The following POPDC1 variants were observed in gnomAD, a reference collection of about 807,000 sequenced individuals.
The protein encoded by POPDC1 is popeye domain-containing protein 1.
chr6:105,120,128 G>C, the POPDC1 span, among the ~76,000 whole-genome samples: 2 of 16,092 alleles, frequency 1.2e-4, 1 homozygote, highest in Non-Finnish European at 4.2e-4. Flanking sequence ...GCGTAGTGGC[G>C]GGCGCCTGTA....
At chr6:105,127,356 T>C in the POPDC1 span, among the ~76,000 whole-genome samples, 1 of 152,168 alleles carries the variant, frequency 6.6e-6, no homozygotes, top group Non-Finnish European at 1.5e-5. Context: ...GAAAATGCAA[T>C]CATTATCTAC....
chr6:105,124,609 A>G, the POPDC1 span: 11 of 1,612,946 alleles, frequency 6.8e-6, no homozygotes, highest in Non-Finnish European at 9.3e-6. Flanking sequence ...ATAAAGGCAC[A>G]GGGGTAAATG....
At chr6:105,130,866 C>A in the POPDC1 span, among the ~76,000 whole-genome samples, 2 of 152,236 alleles carry the variant, frequency 1.3e-5, no homozygotes, top group East Asian at 3.9e-4. Flanking sequence ...TGTGAAAACT[C>A]CTAATTTGAT....
the POPDC1 span, among the ~76,000 whole-genome samples, chr6:105,101,399 A>G: frequency 6.6e-6 from 1 of 152,210 alleles, no homozygotes; most frequent in African/African-American, 2.4e-5. Flanking sequence ...AACCAAGTCA[A>G]GAAGAGACTC....
At chr6:105,099,350 T>G in the POPDC1 span, 2 of 152,208 alleles carry the variant, frequency 1.3e-5, no homozygotes, top group African/African-American at 2.4e-5. Context: ...TATTTATATG[T>G]CTCCTCTAAC....
chr6:105,117,923 G>A, the POPDC1 span, among the ~76,000 whole-genome samples: 1 of 152,144 alleles, frequency 6.6e-6, no homozygotes, highest in Admixed American at 6.5e-5. Context: ...GCATGTGCCT[G>A]TAGTCCCAGC....
the POPDC1 span, chr6:105,101,197 G>C: frequency 6.2e-7 from 1 of 1,611,582 alleles, no homozygotes; most frequent in Non-Finnish European, 8.5e-7. Flanking sequence ...AGGCTCGCTG[G>C]TGTGGGGATG....
the POPDC1 span, among the ~76,000 whole-genome samples, chr6:105,111,125 C>G: frequency 1.3e-5 from 2 of 152,190 alleles, no homozygotes; most frequent in South Asian, 4.2e-4. Context: ...TTTAAACTAA[C>G]AAGCTTTTTC....
At chr6:105,102,783 G>A in the POPDC1 span, among the ~76,000 whole-genome samples, 13 of 152,234 alleles carry the variant, frequency 8.5e-5, 1 homozygote, top group African/African-American at 2.9e-4. Context: ...AGTCACTGCC[G>A]TACATCTGGG....
At chr6:105,125,462 T>C in the POPDC1 span, 1 of 1,614,234 alleles carries the variant, frequency 6.2e-7, no homozygotes, top group Non-Finnish European at 8.5e-7. Context: ...TTTGGCCCTT[T>C]TTCAAGGTTT....
At chr6:105,110,317 G>T in the POPDC1 span, among the ~76,000 whole-genome samples, 1 of 152,310 alleles carries the variant, frequency 6.6e-6, no homozygotes, top group African/African-American at 2.4e-5. Flanking sequence ...TAAAATGAGG[G>T]TATTGCTTTC....
At chr6:105,107,173 T>A in the POPDC1 span, among the ~76,000 whole-genome samples, 2 of 152,146 alleles carry the variant, frequency 1.3e-5, no homozygotes, top group Non-Finnish European at 2.9e-5. Flanking sequence ...TCAGTTCTTT[T>A]AGTTTTTAAC....
the POPDC1 span, among the ~76,000 whole-genome samples, chr6:105,119,286 C>A: frequency 1.3e-5 from 2 of 151,618 alleles, no homozygotes; most frequent in Non-Finnish European, 2.9e-5. Context: ...ACACCCAATA[C>A]TCATCAATAC....
At chr6:105,129,892 T>C in the POPDC1 span, among the ~76,000 whole-genome samples, 1 of 152,192 alleles carries the variant, frequency 6.6e-6, no homozygotes, top group Non-Finnish European at 1.5e-5. Flanking sequence ...ATTGGACTGT[T>C]GTTGACCACA....
chr6:105,115,787 T>C, the POPDC1 span: 1 of 1,614,126 alleles, frequency 6.2e-7, no homozygotes, highest in Non-Finnish European at 8.5e-7. Flanking sequence ...CATGGAGATC[T>C]GTGTGCAGAG....
chr6:105,106,291 T>C, the POPDC1 span, among the ~76,000 whole-genome samples: 1 of 152,274 alleles, frequency 6.6e-6, no homozygotes, highest in South Asian at 2.1e-4. Flanking sequence ...ACAAAGGACT[T>C]CCATAAGGAC....
the POPDC1 span, among the ~76,000 whole-genome samples, chr6:105,128,407 T>C: frequency 6.6e-6 from 1 of 152,216 alleles, no homozygotes; most frequent in African/African-American, 2.4e-5. Flanking sequence ...AAATAGAACC[T>C]GCTGCTTCAG....
the POPDC1 span, among the ~76,000 whole-genome samples, chr6:105,118,086 C>G: frequency 6.6e-6 from 1 of 152,126 alleles, no homozygotes; most frequent in African/African-American, 2.4e-5. Context: ...AAAAACAAAA[C>G]AAATGAACAC....
At chr6:105,107,840 C>CT in the POPDC1 span, among the ~76,000 whole-genome samples, 1 of 151,674 alleles carries the variant, frequency 6.6e-6, no homozygotes. Flanking sequence ...CTTTTCCTGT[C>CT]TTTGCTTATT....
Sources: gnomAD v4.1 joint callset for allele counts (sites outside exome capture counted in the v4.1 genomes callset) on GRCh38, gnomAD v4.1.1 for gene constraint, MANE v1.5 for transcripts, NCBI Gene and HGNC (gene_info 2026-07-23, HGNC 2026-07-21) for gene names.